Variants in SLC22A15 observed in about 807,000 individuals in gnomAD.
SLC22A15 encodes the protein solute carrier family 22 member 15.
In SLC22A15, 45 loss-of-function variants were observed where a neutral mutation model predicts 62.7. The ratio of observed to expected loss-of-function variants is 0.72; its 90% CI spans 0.56 to 0.92. The LOEUF is 0.92. Ranked by LOEUF, SLC22A15 falls within the 40% of genes least tolerant of loss-of-function variation. SLC22A15 has a pLI of 0.00. For synonymous variants in SLC22A15, 264 were observed against 267.0 expected (o/e 0.99, Z 0.11); for missense variants, 622 against 665.6 (o/e 0.93, Z 0.72).
Position 116,066,531 on chromosome 1 carries a change from A to G in SLC22A15, c.1377A>G (p.Gln459=). 1.9e-6 allele frequency: 3 copies of G among 1,600,954 alleles called. No individual in the cohort carries two copies. The highest frequency in any genetic ancestry group is 8.5e-7 in the Non-Finnish European group (1 of 1,173,546). The change falls in exon 11 of 12, where the codon CAA becomes CAG. Residue 459 remains glutamine, a synonymous_variant. Coordinates refer to ENST00000369503, the MANE Select transcript of SLC22A15 (RefSeq NM_018420.3). The part of the protein sequence containing the change: ...APFIPSLKYV[Q]WSLPFIVFGA... ...CCCCGCCTCTGCAGAAATATGTGCA[A>G]TGGTCTTTACCATTCATTGTCTTCG...
chr1:115,978,368 C>T (rs1654424772), intron 1 of SLC22A15, among the ~76,000 whole-genome samples: 1 of 152,102 alleles, frequency 6.6e-6, no homozygotes, highest in Non-Finnish European at 1.5e-5. Context: ...TTATGGTTGA[C>T]CCAGTTAGTT....
At chr1:116,032,655 C>T (rs1250365773) in intron 6 of SLC22A15, 2 of 983,682 alleles carry the variant, frequency 2.0e-6, no homozygotes, top group East Asian at 1.1e-4. Flanking sequence ...AGAACCATCA[C>T]AGCACTAGGA....
rs370245524 is a variant in SLC22A15, at chr1:115,993,252, C to A, written c.300+1009C>A. 3.8e-4 allele frequency among the ~76,000 whole-genome samples: 58 copies of A among 152,234 alleles called. No homozygotes were observed. The South Asian group carries it at 6.8e-3, about 18-fold the overall frequency. On this transcript the variant is annotated intron_variant, in intron 2 of 11. Transcript: ENST00000369503. The stretch of plus-strand genomic sequence containing the variant: ...ATGTGTCTGTTGACACTGTTGACAC[C>A]CTGGCCCCATCCTTGGACCCTGTGA...
chr1:116,034,653 G>A (rs1373132612), intron 6 of SLC22A15, among the ~76,000 whole-genome samples: 1 of 152,160 alleles, frequency 6.6e-6, no homozygotes, highest in East Asian at 1.9e-4. Context: ...ACCTGCAATG[G>A]GAAGTGTCTG....
chr1:116,049,041 G>A (rs1247155944), intron 8 of SLC22A15, among the ~76,000 whole-genome samples: 3 of 152,276 alleles, frequency 2.0e-5, no homozygotes, highest in Admixed American at 6.5e-5. Flanking sequence ...TGTCCAACAG[G>A]AAAATATCAC....
chr1:116,018,522 G>A (rs1281296880), intron 2 of SLC22A15, among the ~76,000 whole-genome samples: 2 of 151,902 alleles, frequency 1.3e-5, no homozygotes, highest in Non-Finnish European at 2.9e-5. Flanking sequence ...CCACCACCAC[G>A]CCCGGCTAAT....
rs746863288 is a variant in SLC22A15, at chr1:116,067,090, G to A, written c.1626G>A (p.Glu542=). 71 of 1,611,574 alleles carry A rather than the reference G, an allele frequency of 4.4e-5. No homozygotes were observed. The highest frequency in any genetic ancestry group is 5.9e-5 in the Non-Finnish European group (70 of 1,178,998). Residue 542 remains glutamate, a synonymous_variant, in exon 12 of 12, where the codon GAG becomes GAA. Transcript: ENST00000369503. ...EEEEFYDADE[E]TQMIK is the part of the protein sequence containing the mutation. ...AAGAATTTTATGATGCAGATGAAGAGACTCAGATGATCAAGTGAAGAGCCC... is the reference window on the plus strand; with the variant it reads ...AAGAATTTTATGATGCAGATGAAGAAACTCAGATGATCAAGTGAAGAGCCC...
chr1:116,018,757 A>T (rs1211594098), intron 2 of SLC22A15, among the ~76,000 whole-genome samples: 1 of 152,168 alleles, frequency 6.6e-6, no homozygotes, highest in Non-Finnish European at 1.5e-5. Flanking sequence ...TATCATTTGT[A>T]TTGGGAACAT....
In SLC22A15 at chr1:116,035,228, C is replaced by T. The variant is rs201564754; in HGVS notation, c.986C>T (p.Ala329Val). 64 of 1,613,176 alleles carry T rather than the reference C, an allele frequency of 4.0e-5. No homozygotes were observed. Among genetic ancestry groups the T allele is most frequent in the Admixed American group, 8.3e-5 (5 of 59,916 alleles). Residue 329 changes from alanine (A) to valine (V), a missense_variant, in exon 7 of 12, where the codon GCG becomes GTG. Coordinates refer to ENST00000369503, the MANE Select transcript of SLC22A15 (RefSeq NM_018420.3). ...SLVYYGLTLSAGDLGGSIYAN... is the reference protein window; with the variant it reads ...SLVYYGLTLSVGDLGGSIYAN... ...GTGTATTATGGCCTAACTCTGAGTG[C>T]GGGTGATCTAGGTGGAAGTATTTAT... is the stretch of plus-strand genomic sequence containing the variant.
At chr1:115,978,502 T>G (rs569208051) in intron 1 of SLC22A15, among the ~76,000 whole-genome samples, 1 of 152,272 alleles carries the variant, frequency 6.6e-6, no homozygotes, top group African/African-American at 2.4e-5. Flanking sequence ...AGTGACTGAT[T>G]GTTTATCTTA....
Position 116,037,355 on chromosome 1 carries a change from T to G in SLC22A15, c.1138T>G (p.Cys380Gly). Residue 380 changes from cysteine to glycine, a missense_variant, in exon 8 of 12, where the codon TGT becomes GGT. Cys to Gly is a radical substitution (Grantham distance 159). Transcript: ENST00000369503. Reference sequence around the variant, plus strand: ...ATTTCTGTGCCTAGGAGGACTGGCTTGTCTTATTGTAATGTTTCTTCCAGA... The same window carrying G: ...ATTTCTGTGCCTAGGAGGACTGGCTGGTCTTATTGTAATGTTTCTTCCAGA... ...SAFLCLGGLACLIVMFLPEKK... is the reference protein window; with the variant it reads ...SAFLCLGGLAGLIVMFLPEKK... The G allele has an allele frequency of 6.2e-7, 1 of 1,613,384 alleles. No individual in the cohort carries two copies. The highest frequency in any genetic ancestry group is 2.2e-5 in the East Asian group (1 of 44,862).
chr1:116,039,653 A>T lies in SLC22A15; in HGVS notation c.1171+2265A>T, dbSNP rs1268744543. On this transcript the variant is annotated intron_variant, in intron 8 of 11. Coordinates refer to ENST00000369503, the MANE Select transcript of SLC22A15 (RefSeq NM_018420.3). ...ACTATTAAAATTATCCTCTTCCACT[A>T]CCACTGAGCCATTGTCTTTCATTTA... Among the ~76,000 whole-genome samples, 3 of 152,118 alleles carry T rather than the reference A, an allele frequency of 2.0e-5. 1 individual carries two copies. Among genetic ancestry groups the T allele is most frequent in the Admixed American group, 6.6e-5 (1 of 15,266 alleles).
At chr1:116,027,675 G>C (rs1484899020) in intron 5 of SLC22A15, among the ~76,000 whole-genome samples, 1 of 152,072 alleles carries the variant, frequency 6.6e-6, no homozygotes, top group Non-Finnish European at 1.5e-5. Flanking sequence ...GCCCAGGCTG[G>C]AGTGCAATGG....
chr1:116,007,199 G>A (rs1331849729), intron 2 of SLC22A15, among the ~76,000 whole-genome samples: 1 of 152,166 alleles, frequency 6.6e-6, no homozygotes, highest in African/African-American at 2.4e-5. Flanking sequence ...GTCTCCAGCA[G>A]GTGCTCCAAG....
At chr1:116,027,534 C>G (rs546941071) in intron 5 of SLC22A15, among the ~76,000 whole-genome samples, 1 of 152,066 alleles carries the variant, frequency 6.6e-6, no homozygotes, top group Non-Finnish European at 1.5e-5. Flanking sequence ...ATTCCCTGGT[C>G]AGGGAAGGAC....
chr1:116,043,566 G>A (rs1393364296), intron 8 of SLC22A15, among the ~76,000 whole-genome samples: 4 of 151,952 alleles, frequency 2.6e-5, no homozygotes, highest in South Asian at 4.1e-4. Context: ...ACTTAAGAAA[G>A]TAGATAACAA....
Position 116,020,865 on chromosome 1 carries a change from C to T in SLC22A15, c.578C>T (p.Thr193Ile), listed in dbSNP as rs1284422852. ...GTCTTGCTTAATGAATGTGTGGGCA[C>T]CGCCTACTGGGCACTTGCAGGTACT... ...AFVLLNECVG[T>I]AYWALAGSIG... The change falls in exon 4 of 12, where the codon ACC becomes ATC. Residue 193 changes from threonine (T) to isoleucine (I), a missense_variant. Physicochemically the swap from Thr to Ile is moderately conservative, Grantham distance 89 (BLOSUM62 -1). Coordinates refer to ENST00000369503, the MANE Select transcript of SLC22A15 (RefSeq NM_018420.3). 3.7e-6 allele frequency: 6 copies of T among 1,612,124 alleles called. No homozygotes were observed. In the African/African-American group the frequency reaches 5.3e-5, roughly 14 times the overall value.
intron 1 of SLC22A15, among the ~76,000 whole-genome samples, chr1:115,991,533 A>G (rs982600983): frequency 5.3e-5 from 8 of 152,216 alleles, no homozygotes; most frequent in Non-Finnish European, 1.2e-4. Flanking sequence ...GTAAAACAAT[A>G]CAATATATAT....
chr1:115,977,294 T>C (rs1553214000), intron 1 of SLC22A15, among the ~76,000 whole-genome samples: 2 of 152,232 alleles, frequency 1.3e-5, no homozygotes, highest in African/African-American at 2.4e-5. Context: ...CATTCGGCCC[T>C]GCGCCAGCCT....
Sources: gnomAD v4.1 joint callset for allele counts (sites outside exome capture counted in the v4.1 genomes callset) on GRCh38, gnomAD v4.1.1 for gene constraint, MANE v1.5 for transcripts, NCBI Gene and HGNC (gene_info 2026-07-23, HGNC 2026-07-21) for gene names.